Variants in TTLL11 observed in about 807,000 individuals in gnomAD.
TTLL11 encodes the protein tubulin polyglutamylase TTLL11.
Under a neutral mutation model 51.7 loss-of-function variants are expected in TTLL11, and 42 were observed. The ratio of observed to expected loss-of-function variants is 0.81; its 90% confidence interval spans 0.64 to 1.05. TTLL11 has a LOEUF of 1.05. TTLL11 is among the 50% of genes least tolerant of loss of function. The pLI, the probability that TTLL11 is intolerant of heterozygous loss-of-function variation, is 0.00. For missense variants in TTLL11, 799 were observed against 940.4 expected (o/e 0.85, Z 1.97); for synonymous variants, 381 against 383.5 (o/e 0.99, Z 0.08).
Position 121,897,640 on chromosome 9 carries a change from A to ACACACACACACACACACACACACAGG in TTLL11, c.1482-26893_1482-26892insCCTGTGTGTGTGTGTGTGTGTGTGTG, listed in dbSNP as rs111331446. Among the ~76,000 whole-genome samples the ACACACACACACACACACACACACAGG allele has an allele frequency of 6.5e-5, 9 of 139,390 alleles. No homozygotes were observed. In the East Asian group the frequency reaches 1.6e-3, roughly 25 times the overall value. The allele number at this position is 139,390 out of a possible 152,430, so 91.4% of individuals were successfully genotyped here. A position where few individuals can be genotyped will look rare whatever the true frequency, so the allele number is the denominator to read the frequency against. The stretch of plus-strand genomic sequence containing the variant: ...CAGGCACACACACACACACACACAC[A>ACACACACACACACACACACACACAGG]CGCGCGCGCGAAGTCTCCAACTGCC... On this transcript the variant is annotated intron_variant, in intron 6 of 8. Coordinates refer to ENST00000321582, the MANE Select transcript of TTLL11 (RefSeq NM_001139442.2).
At chr9:121,920,422 G>A (rs888066346) in intron 6 of TTLL11, among the ~76,000 whole-genome samples, 2 of 152,192 alleles carry the variant, frequency 1.3e-5, no homozygotes, top group African/African-American at 2.4e-5. Context: ...GCTCTCTGAT[G>A]GTTTGGCTTG....
intron 6 of TTLL11, among the ~76,000 whole-genome samples, chr9:121,917,519 A>G (rs1166329708): frequency 0.022 from 3,211 of 147,726 alleles, 139 homozygotes; most frequent in African/African-American, 0.076. Flanking sequence ...GAGAGAGAGA[A>G]AGAAAGGAAG....
chr9:122,071,967 A>G (rs13296838), intron 1 of TTLL11, among the ~76,000 whole-genome samples: 65,157 of 151,962 alleles, frequency 0.43, 15,919 homozygotes, highest in African/African-American at 0.67. Context: ...CCCACTTCCA[A>G]CTCACCACTG....
intron 1 of TTLL11, among the ~76,000 whole-genome samples, chr9:122,066,197 T>C (rs1157235346): frequency 7.2e-6 from 1 of 139,572 alleles, no homozygotes; most frequent in Admixed American, 7.1e-5. Context: ...AGTGTTGTTG[T>C]TGTTGTTGTT....
intron 4 of TTLL11, among the ~76,000 whole-genome samples, chr9:121,981,880 C>T (rs916302658): frequency 6.6e-6 from 1 of 152,196 alleles, no homozygotes; most frequent in African/African-American, 2.4e-5. Context: ...GCTCAAATGC[C>T]TCCGTGCCCT....
At chr9:122,005,257 G>T (rs994483894) in intron 3 of TTLL11, among the ~76,000 whole-genome samples, 1 of 152,118 alleles carries the variant, frequency 6.6e-6, no homozygotes, top group East Asian at 1.9e-4. Flanking sequence ...GGTCTCTCAG[G>T]TCCTTTCCAA....
intron 4 of TTLL11, among the ~76,000 whole-genome samples, chr9:121,982,163 C>T (rs548190834): frequency 6.6e-6 from 1 of 152,340 alleles, no homozygotes; most frequent in South Asian, 2.1e-4. Flanking sequence ...TCCTCTGTGT[C>T]CATATTCCAA....
At chr9:121,946,362 T>G (rs1841665128) in intron 6 of TTLL11, among the ~76,000 whole-genome samples, 1 of 152,144 alleles carries the variant, frequency 6.6e-6, no homozygotes, top group South Asian at 2.1e-4. Context: ...TCCCCTGGCA[T>G]GACCTCATCA....
intron 2 of TTLL11, among the ~76,000 whole-genome samples, chr9:122,034,723 C>T (rs560297524): frequency 1.5e-4 from 23 of 152,186 alleles, no homozygotes; most frequent in Admixed American, 3.3e-4. Context: ...CCCTGACAAG[C>T]GTAGCAGGGT....
intron 1 of TTLL11, among the ~76,000 whole-genome samples, chr9:122,054,745 CA>C (rs1281529063): frequency 6.6e-6 from 1 of 152,206 alleles, no homozygotes; most frequent in East Asian, 1.9e-4. Flanking sequence ...TCTACTTCCT[CA>C]CAGTTGGTAA....
intron 6 of TTLL11, among the ~76,000 whole-genome samples, chr9:121,921,317 C>T (rs376995451): frequency 1.3e-3 from 198 of 152,266 alleles, no homozygotes; most frequent in African/African-American, 4.6e-3. Flanking sequence ...GGCCAGTAGG[C>T]AGAGATACAA....
At chr9:122,000,117 G>C (rs1284486966) in intron 3 of TTLL11, among the ~76,000 whole-genome samples, 2 of 152,150 alleles carry the variant, frequency 1.3e-5, no homozygotes, top group Non-Finnish European at 2.9e-5. Flanking sequence ...ATTCGCAGAA[G>C]GTGAAGGCAT....
chr9:121,986,715 C>G (rs1053415742), intron 4 of TTLL11, among the ~76,000 whole-genome samples: 10 of 152,094 alleles, frequency 6.6e-5, no homozygotes, highest in Admixed American at 4.6e-4. Context: ...GGCGCCTAGC[C>G]CCTGGGGTGT....
At chr9:121,991,498 C>G (rs1488226861) in intron 3 of TTLL11, among the ~76,000 whole-genome samples, 1 of 152,154 alleles carries the variant, frequency 6.6e-6, no homozygotes, top group Non-Finnish European at 1.5e-5. Flanking sequence ...TGGCCCTTTA[C>G]AGTAAATATA....
In TTLL11 at chr9:121,989,316, T is replaced by C. The variant is rs1401548651; in HGVS notation, c.1148A>G (p.Lys383Arg). The change falls in exon 4 of 9, where the codon AAG becomes AGG. Residue 383 changes from lysine to arginine, a missense_variant. By Grantham distance (26) the Lys-to-Arg change is conservative (BLOSUM62 2). This residue lies in a region of TTLL11 where 468 missense variants were observed against 612.8 expected (regional missense o/e 0.76). Transcript: ENST00000321582. The surrounding 1 kb of genome is among the most constrained non-coding windows in gnomAD (Gnocchi z 4.2). Reference protein sequence around the residue: ...CRLSSKGVDIKKVWSDIISVV... With the variant: ...CRLSSKGVDIRKVWSDIISVV... ...GGAGATGATGTCAGACCAGACCTTC[T>C]TGATGTCAACGCCTTTGGAAGACAG... 3.1e-6 allele frequency: 5 copies of C among 1,614,126 alleles called. No homozygotes were observed. The highest frequency in any genetic ancestry group is 4.2e-6 in the Non-Finnish European group (5 of 1,180,050).
intron 3 of TTLL11, among the ~76,000 whole-genome samples, chr9:122,019,731 A>G (rs1217725342): frequency 6.6e-6 from 1 of 152,212 alleles, no homozygotes; most frequent in African/African-American, 2.4e-5. Context: ...GATTACAGGC[A>G]TGATACGGTT....
intron 1 of TTLL11, among the ~76,000 whole-genome samples, chr9:122,050,007 G>C (rs1845114771): frequency 2.0e-5 from 3 of 152,084 alleles, no homozygotes; most frequent in Non-Finnish European, 4.4e-5. Context: ...GGAAACACAG[G>C]GAAGGTGCTG....
intron 6 of TTLL11, among the ~76,000 whole-genome samples, chr9:121,889,260 G>A (rs960589507): frequency 6.6e-6 from 1 of 152,114 alleles, no homozygotes; most frequent in Non-Finnish European, 1.5e-5. Context: ...GAGACAGAGA[G>A]AGCTCAGAAT....
At chr9:121,883,888 C>T (rs547207248) in intron 6 of TTLL11, among the ~76,000 whole-genome samples, 13 of 152,148 alleles carry the variant, frequency 8.5e-5, no homozygotes, top group Non-Finnish European at 1.6e-4. Flanking sequence ...ATCACGCAGG[C>T]CTGGGCTTCA....
Sources: gnomAD v4.1 joint callset for allele counts (sites outside exome capture counted in the v4.1 genomes callset) on GRCh38, gnomAD v4.1.1 for gene constraint, gnomAD v4.1.1 regional missense constraint, Gnocchi (gnomAD v3.1) non-coding constraint, MANE v1.5 for transcripts, NCBI Gene and HGNC (gene_info 2026-07-23, HGNC 2026-07-21) for gene names.